ARMC2: variants seen among roughly 807,000 people sequenced by gnomAD.
ARMC2 encodes the protein armadillo repeat containing 2, also known as armadillo repeat-containing protein 2.
Under a neutral mutation model 90.3 loss-of-function variants are expected in ARMC2, and 67 were observed. The ratio of observed to expected loss-of-function variants is 0.74; its 90% CI spans 0.61 to 0.91. The LOEUF (loss-of-function observed/expected upper bound fraction) is 0.91, where lower values mean the gene tolerates loss of function less well. ARMC2 is among the 40% of genes least tolerant of loss of function. ARMC2 has a pLI of 0.00. For missense variants in ARMC2, 920 were observed against 1,030.9 expected (o/e 0.89, Z 1.47); for synonymous variants, 393 against 393.0 (o/e 1.00, Z 0.00).
chr6:109,009,444 G>A, the ARMC2 span: 1 of 1,361,854 alleles, frequency 7.3e-7, no homozygotes, highest in South Asian at 1.7e-5. Context: ...CTCGTTCGCG[G>A]CGGCGGCCAA....
At chr6:108,892,781 G>A (rs536405381) in intron 5 of ARMC2, among the ~76,000 whole-genome samples, 2 of 151,220 alleles carry the variant, frequency 1.3e-5, no homozygotes, top group East Asian at 3.9e-4. Flanking sequence ...AAAAAAAGGT[G>A]GGGGGAACAT....
downstream of ARMC2, among the ~76,000 whole-genome samples, chr6:108,975,345 T>C (rs1778964441): frequency 6.6e-6 from 1 of 152,192 alleles, no homozygotes; most frequent in Non-Finnish European, 1.5e-5. Flanking sequence ...TCATCCTGAT[T>C]TATGGCTTCA....
the ARMC2 span, among the ~76,000 whole-genome samples, chr6:108,997,647 C>G: frequency 9.2e-5 from 14 of 152,154 alleles, no homozygotes; most frequent in African/African-American, 3.1e-4. Context: ...TACAAAAGAA[C>G]TGAGATTCAG....
the ARMC2 span, chr6:109,000,539 G>T: frequency 1.2e-6 from 2 of 1,610,884 alleles, no homozygotes; most frequent in Non-Finnish European, 1.7e-6. Context: ...CTAACACTTT[G>T]TTAAGTTCTC....
the ARMC2 span, among the ~76,000 whole-genome samples, chr6:108,989,725 C>T: frequency 2.6e-5 from 4 of 152,030 alleles, no homozygotes; most frequent in Admixed American, 2.0e-4. Flanking sequence ...GCAGGGGCTG[C>T]GAGGAGAAGG....
At chr6:108,985,138 TA>T in the ARMC2 span, among the ~76,000 whole-genome samples, 1 of 152,040 alleles carries the variant, frequency 6.6e-6, no homozygotes, top group Non-Finnish European at 1.5e-5. Context: ...AATATGCTAA[TA>T]AAATTTCAGA....
At position 108,861,687 on chromosome 6, in the gene ARMC2, A is replaced by G. The variant is rs560623537; in HGVS notation, c.291+3416A>G. On this transcript the variant is annotated intron_variant, in intron 3 of 17. Coordinates refer to ENST00000392644, the MANE Select transcript of ARMC2 (RefSeq NM_032131.6). ...GTTGACACATGGCTTGTTAACGTCT[A>G]CAACCTTGGGAACCACTTGGGTTTT... is the stretch of plus-strand genomic sequence containing the variant. Among the ~76,000 whole-genome samples, 55 of 152,340 alleles carry G rather than the reference A, an allele frequency of 3.6e-4. No homozygotes were observed. In the South Asian group the frequency reaches 0.011, roughly 30 times the overall value.
the ARMC2 span, chr6:109,008,660 G>A: frequency 2.3e-6 from 1 of 440,802 alleles, no homozygotes; most frequent in South Asian, 9.5e-5. Context: ...TTTAAGGTTC[G>A]AGTTTTACCT....
At chr6:109,008,114 A>C in the ARMC2 span, among the ~76,000 whole-genome samples, 1 of 152,224 alleles carries the variant, frequency 6.6e-6, no homozygotes, top group Non-Finnish European at 1.5e-5. Context: ...CGCTGTAACA[A>C]TATGCAAGCC....
the ARMC2 span, among the ~76,000 whole-genome samples, chr6:109,051,435 C>A: frequency 6.6e-6 from 1 of 152,012 alleles, no homozygotes; most frequent in African/African-American, 2.4e-5. Context: ...GTGAGTAATA[C>A]TATATGAATG....
chr6:109,008,743 T>C, the ARMC2 span: 2 of 980,264 alleles, frequency 2.0e-6, no homozygotes, highest in Admixed American at 1.2e-4. Context: ...ATGTTACAAT[T>C]AAGTACCTCT....
chr6:109,009,020 A>T, the ARMC2 span: 1 of 1,001,538 alleles, frequency 1.0e-6, no homozygotes, highest in South Asian at 4.7e-5. Flanking sequence ...TGGATTTCTG[A>T]CTTGTGGAGA....
At chr6:109,012,054 G>T in the ARMC2 span, among the ~76,000 whole-genome samples, 3 of 152,144 alleles carry the variant, frequency 2.0e-5, no homozygotes, top group Admixed American at 2.0e-4. Context: ...TGTTCTGAAG[G>T]TGCTGCTCCT....
At chr6:109,017,995 C>A in the ARMC2 span, among the ~76,000 whole-genome samples, 3 of 152,108 alleles carry the variant, frequency 2.0e-5, no homozygotes, top group Non-Finnish European at 4.4e-5. Context: ...GGCGAGAACC[C>A]TGTCTCTTTC....
chr6:109,009,100 C>A, the ARMC2 span: 1 of 776,702 alleles, frequency 1.3e-6, no homozygotes, highest in East Asian at 3.8e-5. Flanking sequence ...GCAGTCTCTC[C>A]CAGCTTAGCA....
chr6:108,990,618 CTT>C, the ARMC2 span: 2 of 1,610,164 alleles, frequency 1.2e-6, no homozygotes, highest in Non-Finnish European at 1.7e-6. Flanking sequence ...GAAAACATCT[CTT>C]TATAAACACA....
At chr6:108,878,118 A>G (rs1410551311) in intron 5 of ARMC2, among the ~76,000 whole-genome samples, 1 of 152,222 alleles carries the variant, frequency 6.6e-6, no homozygotes, top group Non-Finnish European at 1.5e-5. Flanking sequence ...AAATAAACCA[A>G]AAAACAGAAA....
the ARMC2 span, among the ~76,000 whole-genome samples, chr6:109,014,154 T>C: frequency 6.6e-6 from 1 of 152,184 alleles, no homozygotes; most frequent in Non-Finnish European, 1.5e-5. Flanking sequence ...TGTTTAGAAA[T>C]ATGAGGCATC....
At chr6:108,876,417 T>G (rs946533689) in intron 5 of ARMC2, 67 bp downstream of exon 5, 5 of 1,464,610 alleles carry the variant, frequency 3.4e-6, no homozygotes, top group Middle Eastern at 3.7e-4. Context: ...TCTTCTCTAT[T>G]TTATATAGAT....
Sources: gnomAD v4.1 joint callset for allele counts (sites outside exome capture counted in the v4.1 genomes callset) on GRCh38, gnomAD v4.1.1 for gene constraint, MANE v1.5 for transcripts, NCBI Gene and HGNC (gene_info 2026-07-23, HGNC 2026-07-21) for gene names.